RAB6B: variants seen among roughly 807,000 people sequenced by gnomAD.
RAB6B encodes ras-related protein Rab-6B.
In RAB6B, 7 loss-of-function variants were observed where a neutral mutation model predicts 31.2. That is an observed-to-expected ratio of 0.22 (90% CI 0.13 to 0.42). The LOEUF (loss-of-function observed/expected upper bound fraction) is 0.42, where lower values mean the gene tolerates loss of function less well. Among genes scored for constraint, RAB6B ranks in the 10% least tolerant of loss-of-function variants. The pLI is 1.00. For missense variants in RAB6B, 149 were observed against 280.6 expected, an observed-to-expected ratio of 0.53 and a Z score of 3.35; for synonymous variants, 105 against 104.9, an observed-to-expected ratio of 1.00 and a Z score of -0.01.
chr3:133,880,792 A>C (rs1936457089), intron 1 of RAB6B, among the ~76,000 whole-genome samples: 1 of 152,220 alleles, frequency 6.6e-6, no homozygotes, highest in African/African-American at 2.4e-5. Context: ...CAAGGGGCAG[A>C]GTGAACTTCT....
chr3:133,866,084 A>C (rs1410056357), intron 1 of RAB6B, among the ~76,000 whole-genome samples: 1 of 152,200 alleles, frequency 6.6e-6, no homozygotes, highest in Admixed American at 6.5e-5. Flanking sequence ...CAAAGACTTC[A>C]GGGGGCTGTA....
rs756017490 is a variant in RAB6B at position 133,834,540 on chromosome 3, C to T, written c.562+35G>A. The T allele has an allele frequency of 8.2e-6, 13 of 1,580,722 alleles. No individual in the cohort carries two copies. In the African/African-American group the frequency reaches 1.3e-4, roughly 16 times the overall value. The stretch of plus-strand genomic sequence containing the variant: ...ATTCAGTGAATAAATGGCTTCTATA[C>T]ATCTTTTCACTCACTTGTCAAAGGA... On this transcript the variant is annotated intron_variant, in intron 7 of 7. Coordinates refer to ENST00000285208, the MANE Select transcript of RAB6B (RefSeq NM_016577.4).
intron 1 of RAB6B, among the ~76,000 whole-genome samples, chr3:133,875,151 C>T (rs909729046): frequency 6.6e-6 from 1 of 152,184 alleles, no homozygotes; most frequent in Admixed American, 6.5e-5. Flanking sequence ...TATGGGACAA[C>T]CTTCATACAT....
chr3:133,852,117 C>T (rs1935993320), intron 2 of RAB6B, among the ~76,000 whole-genome samples: 1 of 152,216 alleles, frequency 6.6e-6, no homozygotes, highest in Non-Finnish European at 1.5e-5. Flanking sequence ...TACAAGATTG[C>T]CAAGCATCAA....
intron 2 of RAB6B, among the ~76,000 whole-genome samples, chr3:133,854,299 T>C (rs930619692): frequency 2.0e-5 from 3 of 152,266 alleles, no homozygotes; most frequent in African/African-American, 7.2e-5. Context: ...CAAAGCATTC[T>C]TTCTCTGAAC....
rs1935603977 is a variant in RAB6B, at chr3:133,828,264, G to C, written c.*524C>G. 1 of 471,840 alleles carries C rather than the reference G, an allele frequency of 2.1e-6. No homozygotes were observed. Among genetic ancestry groups the C allele is most frequent in the Non-Finnish European group, 3.8e-6 (1 of 263,914 alleles). The allele number at this position is 471,840 out of a possible 1,614,324, so 29.2% of individuals were successfully genotyped here. ...CCAATGTTTGATTTAACTGGAGTAGGGCCTAGAGAGTGGGGCCAGATGGCC... is the reference window on the plus strand; with the variant it reads ...CCAATGTTTGATTTAACTGGAGTAGCGCCTAGAGAGTGGGGCCAGATGGCC... On this transcript the variant is annotated 3_prime_UTR_variant, in exon 8 of 8. Coordinates refer to ENST00000285208, the MANE Select transcript of RAB6B (RefSeq NM_016577.4).
At chr3:133,841,192 G>A in intron 4 of RAB6B, 93 bp downstream of exon 4, 1 of 1,023,046 alleles carries the variant, frequency 9.8e-7, no homozygotes, top group Non-Finnish European at 1.5e-6. Context: ...ACACATGCGT[G>A]TGCACACACA....
chr3:133,864,503 A>T, intron 2 of RAB6B, 81 bp downstream of exon 2: 1 of 1,436,042 alleles, frequency 7.0e-7, no homozygotes, highest in Non-Finnish European at 9.8e-7. Context: ...GGGCCATTCC[A>T]CTCCCACCCC....
intron 1 of RAB6B, among the ~76,000 whole-genome samples, chr3:133,870,646 C>A (rs1410023847): frequency 6.6e-6 from 1 of 152,180 alleles, no homozygotes; most frequent in African/African-American, 2.4e-5. Flanking sequence ...GAACAGACAC[C>A]AAGCAATCAC....
At chr3:133,830,554 C>A (rs1935641588) in intron 7 of RAB6B, among the ~76,000 whole-genome samples, 1 of 152,134 alleles carries the variant, frequency 6.6e-6, no homozygotes, top group Admixed American at 6.5e-5. Flanking sequence ...CCACACCCAG[C>A]CTTCCTCCCC....
At chr3:133,840,200 G>C (rs1318721113) in intron 4 of RAB6B, among the ~76,000 whole-genome samples, 1 of 152,102 alleles carries the variant, frequency 6.6e-6, no homozygotes, top group Non-Finnish European at 1.5e-5. Flanking sequence ...GTGGCCCCGG[G>C]ACTAGTCAGG....
intron 2 of RAB6B, among the ~76,000 whole-genome samples, chr3:133,843,589 G>T (rs1935867537): frequency 6.6e-6 from 1 of 152,216 alleles, no homozygotes. Context: ...TAGGACTGGT[G>T]GCAGGGACTG....
intron 1 of RAB6B, among the ~76,000 whole-genome samples, chr3:133,879,572 G>A (rs1936439482): frequency 6.6e-6 from 1 of 152,186 alleles, no homozygotes; most frequent in Non-Finnish European, 1.5e-5. Context: ...GCTCAACTCA[G>A]CAGGCATCAC....
At chr3:133,834,021 C>T (rs896533533) in intron 7 of RAB6B, among the ~76,000 whole-genome samples, 6 of 152,184 alleles carry the variant, frequency 3.9e-5, no homozygotes, top group Non-Finnish European at 7.3e-5. Context: ...CTCTGAACCT[C>T]AGTTTCAGCA....
At position 133,827,686 on chromosome 3, in the gene RAB6B, A is replaced by G. The variant is rs1935587688; in HGVS notation, c.*1102T>C. On this transcript the variant is annotated 3_prime_UTR_variant, in exon 8 of 8. Coordinates refer to ENST00000285208, the MANE Select transcript of RAB6B (RefSeq NM_016577.4). The stretch of plus-strand genomic sequence containing the variant: ...CAGCTTTTCCAGAAAGCACTCAACA[A>G]TATTAGCAGCTGAGGCTCTAAGAAC... 1 of 580,256 alleles carries G rather than the reference A, an allele frequency of 1.7e-6. No individual in the cohort carries two copies. The highest frequency in any genetic ancestry group is 2.1e-5 in the South Asian group (1 of 46,740). The allele number at this position is 580,256 out of a possible 1,614,324, so 35.9% of individuals were successfully genotyped here.
chr3:133,836,567 G>A (rs569805023), intron 6 of RAB6B, among the ~76,000 whole-genome samples: 14 of 152,294 alleles, frequency 9.2e-5, no homozygotes, highest in Middle Eastern at 3.4e-3. Flanking sequence ...GAGCACTCTG[G>A]GGGTAGGGGC....
rs1301150657 is a variant in RAB6B at position 133,839,552 on chromosome 3, C to T, written c.355G>A (p.Val119Ile). The change falls in exon 5 of 8, where the codon GTT (valine) becomes ATT (isoleucine). Residue 119 changes from valine (V) to isoleucine (I), a missense_variant. Physicochemically the swap from Val to Ile is conservative, Grantham distance 29. Transcript: ENST00000285208. ...TTGTTGCCCACCAGCATGATGATAA[C>T]ATCACTGCCCCTCTCTGTCCTGACG... ...DDVRTERGSD[V>I]IIMLVGNKTD... The T allele has an allele frequency of 6.2e-7, 1 of 1,614,244 alleles. No homozygotes were observed. The highest frequency in any genetic ancestry group is 1.1e-5 in the South Asian group (1 of 91,090).
chr3:133,871,475 A>G (rs1936322805), intron 1 of RAB6B, among the ~76,000 whole-genome samples: 2 of 152,170 alleles, frequency 1.3e-5, no homozygotes, highest in Non-Finnish European at 2.9e-5. Flanking sequence ...ATTTGCCCAC[A>G]TTTCTCCACA....
intron 2 of RAB6B, among the ~76,000 whole-genome samples, chr3:133,845,856 CTTA>C (rs1244021222): frequency 6.6e-6 from 1 of 151,586 alleles, no homozygotes; most frequent in African/African-American, 2.4e-5. Context: ...CTTTAAAACT[CTTA>C]TAAATAGGTA....
Sources: allele counts gnomAD v4.1 joint callset (sites outside exome capture counted in the v4.1 genomes callset), GRCh38; gene constraint gnomAD v4.1.1; transcripts MANE v1.5; gene names NCBI Gene and HGNC (gene_info 2026-07-23, HGNC 2026-07-21).